ITGAE: variants seen among roughly 807,000 people sequenced by gnomAD.
The protein encoded by ITGAE is integrin subunit alpha E, also known as integrin alpha-E.
In ITGAE, 99 loss-of-function variants were observed where a neutral mutation model predicts 136.5. The ratio of observed to expected loss-of-function variants is 0.73; its 90% CI spans 0.62 to 0.86. ITGAE has a LOEUF of 0.86. Among genes scored for constraint, ITGAE ranks in the 40% least tolerant of loss-of-function variants. The probability of loss-of-function intolerance (pLI) is 0.00; values close to 1 mark genes in which losing one functional copy is unlikely to be tolerated. For missense variants in ITGAE, 1,447 were observed against 1,515.3 expected, an observed-to-expected ratio of 0.95 and a Z score of 0.75; for synonymous variants, 613 against 591.8, an observed-to-expected ratio of 1.04 and a Z score of -0.52.
intron 1 of ITGAE, among the ~76,000 whole-genome samples, chr17:3,786,021 G>T (rs7218651): frequency 0.098 from 14,823 of 151,600 alleles, 2,306 homozygotes; most frequent in African/African-American, 0.34. Flanking sequence ...CAAAAAATTA[G>T]CCGGGCGTGG....
At position 3,716,790 on chromosome 17, in the gene ITGAE, G is replaced by T; in HGVS notation, c.3342C>A (p.Val1114=). ...NAENHRTKIT[V]VFLKDEKYHS... Reference sequence around the variant, plus strand: ...GGTACTTCTCATCTTTCAGGAAGACGACAGTGATCTAGACAAGACAAAGAG... The same window carrying T: ...GGTACTTCTCATCTTTCAGGAAGACTACAGTGATCTAGACAAGACAAAGAG... Residue 1114 remains valine, a synonymous_variant, in exon 30 of 31, where the codon GTC becomes GTA. Coordinates refer to ENST00000263087, the MANE Select transcript of ITGAE (RefSeq NM_002208.5). 1 of 1,569,510 alleles carries T rather than the reference G, an allele frequency of 6.4e-7. No individual in the cohort carries two copies. The highest frequency in any genetic ancestry group is 1.1e-5 in the South Asian group (1 of 90,142).
intron 1 of ITGAE, among the ~76,000 whole-genome samples, chr17:3,789,403 G>A (rs1185988319): frequency 1.3e-5 from 2 of 152,044 alleles, no homozygotes; most frequent in African/African-American, 2.4e-5. Flanking sequence ...CCTGGTTAAT[G>A]AGAAAAAGTA....
intron 29 of ITGAE, among the ~76,000 whole-genome samples, chr17:3,720,032 A>AT (rs915874711): frequency 4.7e-5 from 7 of 149,514 alleles, no homozygotes; most frequent in Middle Eastern, 3.2e-3. Context: ...CAGCTGCGAA[A>AT]TTTTTTTTTT....
At chr17:3,771,119 C>G (rs545532297) in intron 2 of ITGAE, among the ~76,000 whole-genome samples, 25 of 152,046 alleles carry the variant, frequency 1.6e-4, no homozygotes, top group Admixed American at 1.4e-3. Context: ...GAACATTCAT[C>G]CATCAAAAGG....
At chr17:3,793,407 G>A (rs1000474697) in intron 1 of ITGAE, among the ~76,000 whole-genome samples, 5 of 152,118 alleles carry the variant, frequency 3.3e-5, no homozygotes, top group African/African-American at 1.2e-4. Flanking sequence ...GGACTGCAAT[G>A]GTGTGATCTT....
At chr17:3,751,505 G>A (rs968506320) in intron 15 of ITGAE, 145 bp downstream of exon 15, 2 of 694,256 alleles carry the variant, frequency 2.9e-6, no homozygotes, top group South Asian at 3.7e-5. Context: ...CCCCTAGCCT[G>A]GGGGACTTCT....
Position 3,731,145 on chromosome 17 carries a change from G to C in ITGAE, c.2793C>G (p.Ala931=). Residue 931 remains alanine (A), a synonymous_variant, in exon 23 of 31, where the codon GCC becomes GCG. Coordinates refer to ENST00000263087, the MANE Select transcript of ITGAE (RefSeq NM_002208.5). ...TGATGTCTGCTGTCCTGTTTGGAAAGGCATTCTCCTCTAGCTGCCAAACGA... is the reference window on the plus strand; with the variant it reads ...TGATGTCTGCTGTCCTGTTTGGAAACGCATTCTCCTCTAGCTGCCAAACGA... ...VSVVWQLEEN[A]FPNRTADITV... 1.9e-6 allele frequency: 3 copies of C among 1,613,736 alleles called. No individual in the cohort carries two copies. The highest frequency in any genetic ancestry group is 2.5e-6 in the Non-Finnish European group (3 of 1,179,810).
At chr17:3,765,846 T>G (rs2052285690) in intron 2 of ITGAE, among the ~76,000 whole-genome samples, 1 of 152,110 alleles carries the variant, frequency 6.6e-6, no homozygotes, top group Non-Finnish European at 1.5e-5. Context: ...GCCGGCACAC[T>G]CTCCCTAGTG....
rs75507464 is a variant in ITGAE, at chr17:3,751,601, G to A, written c.1893+49C>T. On this transcript the variant is annotated intron_variant, in intron 15 of 30. Coordinates refer to ENST00000263087, the MANE Select transcript of ITGAE (RefSeq NM_002208.5). ...TTGGGGCTTGGGTCATCATATCTGA[G>A]AGAGGTCAGAGCCCCAGAGGAGAGG... The A allele has an allele frequency of 3.2e-6, 5 of 1,541,780 alleles. 1 individual carries two copies. Among genetic ancestry groups the A allele is most frequent in the African/African-American group, 1.4e-5 (1 of 73,384 alleles).
rs191080497 is a variant in ITGAE at position 3,758,128 on chromosome 17, A to G, written c.867-269T>C. Among the ~76,000 whole-genome samples, 4 of 152,352 alleles carry G rather than the reference A, an allele frequency of 2.6e-5. No individual in the cohort carries two copies. The East Asian group carries it at 7.7e-4, about 29-fold the overall frequency. On this transcript the variant is annotated intron_variant, in intron 8 of 30. Transcript: ENST00000263087. ...CTCTTGTGTGCGTACAGGAAGACTCATGATATTAAAACGATAGATAATACT... is the reference window on the plus strand; with the variant it reads ...CTCTTGTGTGCGTACAGGAAGACTCGTGATATTAAAACGATAGATAATACT...
chr17:3,790,431 T>C (rs1245418822), intron 1 of ITGAE, among the ~76,000 whole-genome samples: 1 of 151,640 alleles, frequency 6.6e-6, no homozygotes, highest in East Asian at 1.9e-4. Flanking sequence ...CGCTTGAACC[T>C]GGGAGGCGGA....
At chr17:3,749,657 G>A (rs1054241950) in intron 16 of ITGAE, among the ~76,000 whole-genome samples, 2 of 151,656 alleles carry the variant, frequency 1.3e-5, no homozygotes, top group African/African-American at 2.4e-5. Flanking sequence ...CGGGACAGAC[G>A]GGCGCTCCAT....
intron 19 of ITGAE, among the ~76,000 whole-genome samples, chr17:3,741,068 GTATTT>G (rs1472078908): frequency 3.6e-5 from 4 of 110,512 alleles, no homozygotes; most frequent in African/African-American, 1.3e-4. Context: ...GTTTTTTGTT[GTATTT>G]TTTTTTTTTT....
chr17:3,715,522 G>A (rs1276117919), intron 30 of ITGAE, among the ~76,000 whole-genome samples: 1 of 152,126 alleles, frequency 6.6e-6, no homozygotes, highest in Admixed American at 6.5e-5. Context: ...CTACGCGTAC[G>A]CAGAGGCACG....
chr17:3,763,182 G>A lies in ITGAE; in HGVS notation c.247+687C>T, dbSNP rs577273090. ...TGCTAAGATTACAGGCGTGAGCCAC[G>A]GCGCCCAGCCTCAGACAAGACAAGG... On this transcript the variant is annotated intron_variant, in intron 3 of 30. Transcript: ENST00000263087. 9.9e-5 allele frequency among the ~76,000 whole-genome samples: 15 copies of A among 152,138 alleles called. No individual in the cohort carries two copies. In the South Asian group the frequency reaches 2.5e-3, roughly 25 times the overall value.
intron 26 of ITGAE, chr17:3,725,541 A>T: frequency 6.2e-7 from 1 of 1,614,224 alleles, no homozygotes; most frequent in Non-Finnish European, 8.5e-7. Context: ...CCTGCCAGAG[A>T]TCATCATCTC....
intron 1 of ITGAE, among the ~76,000 whole-genome samples, chr17:3,790,223 A>T (rs1303321320): frequency 6.6e-6 from 1 of 152,166 alleles, no homozygotes; most frequent in African/African-American, 2.4e-5. Flanking sequence ...AAGAAAAAGA[A>T]GGGCCAGGCA....
chr17:3,724,726 A>G (rs760608770), intron 26 of ITGAE: 50 of 1,614,210 alleles, frequency 3.1e-5, no homozygotes, highest in Non-Finnish European at 4.2e-5. Flanking sequence ...GCAGATGGGA[A>G]GAATATGAGA....
chr17:3,721,365 G>A (rs1005913921), intron 28 of ITGAE, among the ~76,000 whole-genome samples: 22 of 142,908 alleles, frequency 1.5e-4, no homozygotes, highest in African/African-American at 4.6e-4. Context: ...TCAAATTCCT[G>A]GGCTCAAACG....
Sources: allele counts gnomAD v4.1 joint callset (sites outside exome capture counted in the v4.1 genomes callset), GRCh38; gene constraint gnomAD v4.1.1; transcripts MANE v1.5; gene names NCBI Gene and HGNC (gene_info 2026-07-23, HGNC 2026-07-21).